Variants in ACTR2 observed in about 807,000 individuals in gnomAD.
ACTR2 encodes actin related protein 2, also known as actin-related protein 2.
ACTR2 carries 5 observed loss-of-function variants against 50.2 expected under a neutral mutation model. The observed-to-expected ratio is 0.10, with a 90% CI of 0.05 to 0.21. The LOEUF is 0.21. ACTR2 is among the 10% of genes least tolerant of loss of function. The pLI is 1.00. For synonymous variants in ACTR2, 140 were observed against 162.9 expected, an observed-to-expected ratio of 0.86 and a Z score of 1.07; for missense variants, 180 against 480.6, an observed-to-expected ratio of 0.37 and a Z score of 5.85.
At chr2:65,250,401 G>A (rs191678558) in intron 3 of ACTR2, among the ~76,000 whole-genome samples, 25 of 151,508 alleles carry the variant, frequency 1.7e-4, no homozygotes, top group African/African-American at 2.7e-4. Flanking sequence ...CTGGCTGGAT[G>A]TGGTGGCTGA....
At position 65,255,599 on chromosome 2, in the gene ACTR2, C is replaced by T; in HGVS notation, c.640C>T (p.Arg214Cys). ...CCACTCTGCTGATTTTGAAACGGTTCGCATGATTAAAGAAAAACTGTGTTA... is the reference window on the plus strand; with the variant it reads ...CCACTCTGCTGATTTTGAAACGGTTTGCATGATTAAAGAAAAACTGTGTTA... ...FNHSADFETVRMIKEKLCYVG... is the reference protein window; with the variant it reads ...FNHSADFETVCMIKEKLCYVG... Residue 214 changes from arginine to cysteine, a missense_variant, in exon 6 of 9, where the codon CGC becomes TGC. Physicochemically the swap from Arg to Cys is radical, Grantham distance 180 (BLOSUM62 -3). Transcript: ENST00000260641. 2 of 1,613,858 alleles carry T rather than the reference C, an allele frequency of 1.2e-6. No individual in the cohort carries two copies. Among genetic ancestry groups the T allele is most frequent in the Non-Finnish European group, 1.7e-6 (2 of 1,179,854 alleles).
intron 3 of ACTR2, among the ~76,000 whole-genome samples, chr2:65,247,999 G>T (rs1671971579): frequency 6.6e-6 from 1 of 152,140 alleles, no homozygotes; most frequent in South Asian, 2.1e-4. Flanking sequence ...CTTAAGTTAG[G>T]AACAAGCTTG....
intron 8 of ACTR2, 175 bp downstream of exon 8, chr2:65,265,350 C>A: frequency 1.3e-6 from 1 of 776,184 alleles, no homozygotes; most frequent in Non-Finnish European, 2.1e-6. Context: ...AAGCTCTGGT[C>A]ACCTCTATAG....
intron 7 of ACTR2, among the ~76,000 whole-genome samples, chr2:65,261,777 G>A (rs1672274595): frequency 6.6e-6 from 1 of 152,148 alleles, no homozygotes; most frequent in Non-Finnish European, 1.5e-5. Context: ...TGGATCATAT[G>A]GTAGTTCTAT....
intron 2 of ACTR2, among the ~76,000 whole-genome samples, chr2:65,243,754 T>C (rs1341703351): frequency 6.6e-6 from 1 of 152,222 alleles, no homozygotes; most frequent in East Asian, 1.9e-4. Context: ...AAATGATTCT[T>C]GGCAAATGTA....
At chr2:65,234,981 T>G (rs527947149) in intron 1 of ACTR2, among the ~76,000 whole-genome samples, 1 of 152,298 alleles carries the variant, frequency 6.6e-6, no homozygotes, top group South Asian at 2.1e-4. Context: ...ATTCCCATAT[T>G]TGAGATATTT....
intron 1 of ACTR2, among the ~76,000 whole-genome samples, chr2:65,239,263 T>C (rs1671796779): frequency 6.6e-6 from 1 of 152,216 alleles, no homozygotes; most frequent in South Asian, 2.1e-4. Context: ...GAGACCAGCC[T>C]GACCAACATG....
chr2:65,255,685 A>C lies in ACTR2; in HGVS notation c.726A>C (p.Glu242Asp). 6.2e-7 allele frequency: 1 copy of C among 1,613,366 alleles called. No individual in the cohort carries two copies. Among genetic ancestry groups the C allele is most frequent in the Non-Finnish European group, 8.5e-7 (1 of 1,179,438 alleles). ...KLALETTVLV[E>D]SYTLPDGRII... is the part of the protein sequence containing the mutation. ...CCTTAGAAACCACAGTATTAGTTGA[A>C]TCTTATACAGTAAGTGTTTCCAGTG... The change falls in exon 6 of 9, where the codon GAA becomes GAC. Residue 242 changes from glutamate to aspartate, a missense_variant. Glu to Asp is a conservative substitution (Grantham distance 45, BLOSUM62 2). Coordinates refer to ENST00000260641, the MANE Select transcript of ACTR2 (RefSeq NM_005722.4).
At chr2:65,233,109 C>T (rs946990524) in intron 1 of ACTR2, among the ~76,000 whole-genome samples, 7 of 151,838 alleles carry the variant, frequency 4.6e-5, no homozygotes, top group Admixed American at 2.0e-4. Flanking sequence ...ATTCTCCTGC[C>T]TCAGCCTCCC....
rs1295006048 is a variant in ACTR2, at chr2:65,268,791, A to G, written c.*57A>G. On this transcript the variant is annotated 3_prime_UTR_variant, in exon 9 of 9. Coordinates refer to ENST00000260641, the MANE Select transcript of ACTR2 (RefSeq NM_005722.4). ...TGCTTTCTTTTTTCCTTTATTGCCA[A>G]TCTTTGAACTCATTCAACTCCAGGA... 11 of 1,546,292 alleles carry G rather than the reference A, an allele frequency of 7.1e-6. No individual in the cohort carries two copies. The highest frequency in any genetic ancestry group is 2.8e-5 in the African/African-American group (2 of 72,614).
At chr2:65,254,729 G>C (rs1276231689) in intron 5 of ACTR2, among the ~76,000 whole-genome samples, 1 of 152,172 alleles carries the variant, frequency 6.6e-6, no homozygotes, top group African/African-American at 2.4e-5. Context: ...CAGTGGTGCT[G>C]CTATTAAGAA....
intron 6 of ACTR2, among the ~76,000 whole-genome samples, chr2:65,256,675 C>T (rs1573164442): frequency 1.3e-5 from 2 of 152,112 alleles, no homozygotes; most frequent in East Asian, 3.9e-4. Flanking sequence ...AGTTGGAGAA[C>T]AGCCTGGCCA....
At chr2:65,245,702 G>A (rs993825910) in intron 2 of ACTR2, among the ~76,000 whole-genome samples, 2 of 152,074 alleles carry the variant, frequency 1.3e-5, no homozygotes, top group African/African-American at 4.8e-5. Flanking sequence ...AAGTCTAAAT[G>A]CTAGGACATC....
chr2:65,255,092 A>G lies in ACTR2; in HGVS notation c.586-453A>G, dbSNP rs946469188. Among the ~76,000 whole-genome samples the G allele has an allele frequency of 7.2e-5, 11 of 152,316 alleles. No homozygotes were observed. The South Asian group carries it at 1.0e-3, about 14-fold the overall frequency. On this transcript the variant is annotated intron_variant, in intron 5 of 8. Coordinates refer to ENST00000260641, the MANE Select transcript of ACTR2 (RefSeq NM_005722.4). ...CCTTATCATTCGTTAAACAAATGCT[A>G]TTGTCCTTCTAATATGTGCCAGACA...
chr2:65,253,445 CA>C (rs1323520657), intron 4 of ACTR2, among the ~76,000 whole-genome samples: 94 of 139,060 alleles, frequency 6.8e-4, no homozygotes, highest in Non-Finnish European at 6.6e-4. Context: ...GACCCTGTCT[CA>C]AAAAAAAAAA....
chr2:65,242,879 A>C (rs1257115454), intron 2 of ACTR2, among the ~76,000 whole-genome samples: 2 of 152,272 alleles, frequency 1.3e-5, no homozygotes, highest in Admixed American at 1.3e-4. Flanking sequence ...AACTAGTAAT[A>C]GTAACTTTGT....
At chr2:65,237,916 C>T (rs1297911372) in intron 1 of ACTR2, among the ~76,000 whole-genome samples, 2 of 152,044 alleles carry the variant, frequency 1.3e-5, no homozygotes, top group African/African-American at 4.8e-5. Context: ...TGGGCGGGGG[C>T]GGTGGAGGCC....
intron 3 of ACTR2, among the ~76,000 whole-genome samples, chr2:65,247,373 G>C (rs1251140612): frequency 1.3e-5 from 2 of 152,162 alleles, no homozygotes; most frequent in African/African-American, 4.8e-5. Context: ...CAGATCACAA[G>C]GTCAGGAGAT....
Position 65,227,990 on chromosome 2 carries a change from C to T in ACTR2, c.48+33C>T, listed in dbSNP as rs370057418. The stretch of plus-strand genomic sequence containing the variant: ...CCGCGCGAGGAGGCCTTGGCGGCCA[C>T]AGACGCCGGCGGGGACGAGCAGCTG... On this transcript the variant is annotated intron_variant, in intron 1 of 8. Coordinates refer to ENST00000260641, the MANE Select transcript of ACTR2 (RefSeq NM_005722.4). 2.0e-5 allele frequency: 29 copies of T among 1,485,660 alleles called. No homozygotes were observed. In the African/African-American group the frequency reaches 3.7e-4, roughly 19 times the overall value. The allele number at this position is 1,485,660 out of a possible 1,614,324, so 92.0% of individuals were successfully genotyped here. A position where few individuals can be genotyped will look rare whatever the true frequency, so the allele number is the denominator to read the frequency against.
Sources: gnomAD v4.1 joint callset for allele counts (sites outside exome capture counted in the v4.1 genomes callset) on GRCh38, gnomAD v4.1.1 for gene constraint, MANE v1.5 for transcripts, NCBI Gene and HGNC (gene_info 2026-07-23, HGNC 2026-07-21) for gene names.